CSNK1G1: variants seen among roughly 807,000 people sequenced by gnomAD.
The protein encoded by CSNK1G1 is casein kinase 1 gamma 1, also known as casein kinase I isoform gamma-1.
Under a neutral mutation model 59.6 loss-of-function variants are expected in CSNK1G1, and 22 were observed. That is an observed-to-expected ratio of 0.37 (90% confidence interval 0.26 to 0.53). The LOEUF is 0.53. Among genes scored for constraint, CSNK1G1 ranks in the 20% least tolerant of loss-of-function variants. The pLI, the probability that CSNK1G1 is intolerant of heterozygous loss-of-function variation, is 0.89. For synonymous variants in CSNK1G1, 179 were observed against 177.1 expected, an observed-to-expected ratio of 1.01 and a Z score of -0.08; for missense variants, 384 against 519.5, an observed-to-expected ratio of 0.74 and a Z score of 2.54.
intron 1 of CSNK1G1, among the ~76,000 whole-genome samples, chr15:64,322,468 G>A (rs1256910051): frequency 6.6e-6 from 1 of 151,590 alleles, no homozygotes; most frequent in Non-Finnish European, 1.5e-5. Flanking sequence ...TTCCCAAAGT[G>A]CTGGTATTAC....
intron 4 of CSNK1G1, among the ~76,000 whole-genome samples, chr15:64,244,213 C>T (rs776909969): frequency 4.0e-5 from 6 of 151,584 alleles, no homozygotes; most frequent in Non-Finnish European, 7.4e-5. Context: ...AGTAGCATCT[C>T]TACATCCCAA....
Position 64,251,468 on chromosome 15 carries a change from C to A in CSNK1G1, c.292+44G>T, listed in dbSNP as rs58664836. 7 of 1,420,296 alleles carry A rather than the reference C, an allele frequency of 4.9e-6. No individual in the cohort carries two copies. The South Asian group carries it at 8.9e-5, about 18-fold the overall frequency. The allele number at this position is 1,420,296 out of a possible 1,614,324, so 88.0% of individuals were successfully genotyped here. ...AATTTGTATATTTTAGGGCTTCCAG[C>A]TAAGATACATACTAAGTAAGTGGAG... On this transcript the variant is annotated intron_variant, in intron 4 of 11. Transcript: ENST00000303052.
intron 2 of CSNK1G1, among the ~76,000 whole-genome samples, chr15:64,274,524 A>G (rs1328348420): frequency 2.6e-5 from 4 of 152,232 alleles, no homozygotes; most frequent in African/African-American, 9.6e-5. Context: ...AGCTTTTAGT[A>G]TCTGTTGCAC....
At chr15:64,276,162 GACTCATACTCCATTTTTC>G (rs1893604419) in intron 2 of CSNK1G1, among the ~76,000 whole-genome samples, 1 of 152,046 alleles carries the variant, frequency 6.6e-6, no homozygotes, top group Non-Finnish European at 1.5e-5. Context: ...ATCAAAGCAG[GACTCATACTCCATTTTTC>G]AGAAAGTGTC....
chr15:64,319,345 G>C lies in CSNK1G1; in HGVS notation c.-224-18622C>G, dbSNP rs146049122. On this transcript the variant is annotated intron_variant, in intron 1 of 11. Transcript: ENST00000303052. ...ATTTGATTTTCTTGTCAAATTACAT[G>C]TATTACTATTATTAAAACGCATCTA... is the stretch of plus-strand genomic sequence containing the variant. Among the ~76,000 whole-genome samples the C allele has an allele frequency of 6.6e-5, 10 of 151,732 alleles. No homozygotes were observed. In the East Asian group the frequency reaches 1.9e-3, roughly 29 times the overall value.
chr15:64,248,357 A>T (rs1359009913), intron 4 of CSNK1G1, among the ~76,000 whole-genome samples: 3 of 152,188 alleles, frequency 2.0e-5, no homozygotes, highest in African/African-American at 7.2e-5. Context: ...TAACCATCAC[A>T]AGGAATATTT....
At chr15:64,355,374 A>AT (rs1898590991) in intron 1 of CSNK1G1, among the ~76,000 whole-genome samples, 1 of 152,150 alleles carries the variant, frequency 6.6e-6, no homozygotes. Flanking sequence ...TCTCTTTTAC[A>AT]TTGTGATGCC....
intron 1 of CSNK1G1, among the ~76,000 whole-genome samples, chr15:64,349,509 C>T: frequency 6.6e-6 from 1 of 152,166 alleles, no homozygotes; most frequent in East Asian, 1.9e-4. Context: ...CTACACTGCC[C>T]ACTTGGAGCT....
At chr15:64,233,563 T>C (rs917731490) in intron 4 of CSNK1G1, among the ~76,000 whole-genome samples, 1 of 152,228 alleles carries the variant, frequency 6.6e-6, no homozygotes, top group African/African-American at 2.4e-5. Flanking sequence ...CTCTTGCTTA[T>C]ATTTCATCAC....
At chr15:64,280,718 T>C (rs2044001844) in intron 2 of CSNK1G1, among the ~76,000 whole-genome samples, 1 of 152,062 alleles carries the variant, frequency 6.6e-6, no homozygotes, top group African/African-American at 2.4e-5. Flanking sequence ...CAAAACTCTA[T>C]TCTGTTGGTG....
intron 1 of CSNK1G1, among the ~76,000 whole-genome samples, chr15:64,335,223 A>G (rs1423800630): frequency 2.0e-5 from 3 of 152,172 alleles, no homozygotes; most frequent in African/African-American, 7.2e-5. Context: ...TTTTTAAGCA[A>G]AGCTAGGCTA....
chr15:64,303,140 G>A (rs1199292146), intron 1 of CSNK1G1, among the ~76,000 whole-genome samples: 2 of 151,278 alleles, frequency 1.3e-5, no homozygotes, highest in Admixed American at 6.6e-5. Flanking sequence ...TGAGATGGGA[G>A]TACTGCTCAA....
chr15:64,213,194 C>T (rs1012902766), intron 6 of CSNK1G1, among the ~76,000 whole-genome samples: 2 of 151,720 alleles, frequency 1.3e-5, no homozygotes, highest in African/African-American at 4.8e-5. Context: ...TAGAATCTTC[C>T]ATGGAAGCCC....
intron 4 of CSNK1G1, among the ~76,000 whole-genome samples, chr15:64,217,702 G>C (rs1215189818): frequency 6.6e-6 from 1 of 151,908 alleles, no homozygotes; most frequent in African/African-American, 2.4e-5. Context: ...TATAGTCCCA[G>C]CTACTCAGGA....
At chr15:64,175,516 T>A (rs1321398533) in intron 11 of CSNK1G1, among the ~76,000 whole-genome samples, 1 of 152,152 alleles carries the variant, frequency 6.6e-6, no homozygotes, top group African/African-American at 2.4e-5. Context: ...TCACCACACA[T>A]GGATTCTTGA....
chr15:64,306,373 T>C (rs1895685340), intron 1 of CSNK1G1, among the ~76,000 whole-genome samples: 2 of 152,150 alleles, frequency 1.3e-5, no homozygotes, highest in African/African-American at 4.8e-5. Flanking sequence ...GGATGGCAAA[T>C]ACATATATGA....
intron 4 of CSNK1G1, among the ~76,000 whole-genome samples, chr15:64,247,142 T>C (rs1891802921): frequency 6.6e-6 from 1 of 152,128 alleles, no homozygotes; most frequent in South Asian, 2.1e-4. Context: ...CTGAGAGCTA[T>C]GCTGGAAAAA....
At chr15:64,318,230 CAACT>C (rs1006395001) in intron 1 of CSNK1G1, among the ~76,000 whole-genome samples, 114 of 152,016 alleles carry the variant, frequency 7.5e-4, no homozygotes, top group African/African-American at 2.5e-3. Context: ...ATTATATACC[CAACT>C]AACTTTCTTC....
chr15:64,266,855 A>T (rs1290407379), intron 2 of CSNK1G1, among the ~76,000 whole-genome samples: 1 of 152,212 alleles, frequency 6.6e-6, no homozygotes, highest in African/African-American at 2.4e-5. Flanking sequence ...TTATGCAAAA[A>T]TCAACTCAAA....
Sources: allele counts gnomAD v4.1 joint callset (sites outside exome capture counted in the v4.1 genomes callset), GRCh38; gene constraint gnomAD v4.1.1; transcripts MANE v1.5; gene names NCBI Gene and HGNC (gene_info 2026-07-23, HGNC 2026-07-21).